The following LINGO2 variants were observed in gnomAD, a reference collection of about 807,000 sequenced individuals.
LINGO2 encodes leucine-rich repeat and immunoglobulin-like domain-containing nogo receptor-interacting protein 2.
LINGO2 carries 14 observed loss-of-function variants against 30.6 expected under a neutral mutation model. The observed-to-expected ratio is 0.46, with a 90% CI of 0.30 to 0.72. The LOEUF (loss-of-function observed/expected upper bound fraction) is 0.72. LINGO2 is among the 30% of genes least tolerant of loss of function. The pLI is 0.07. For synonymous variants in LINGO2, 317 were observed against 288.5 expected (o/e 1.10, Z -1.00); for missense variants, 729 against 751.7 (o/e 0.97, Z 0.35).
intron 3 of LINGO2, among the ~76,000 whole-genome samples, chr9:28,309,060 G>A (rs1340403258): frequency 3.3e-5 from 5 of 152,082 alleles, no homozygotes; most frequent in Non-Finnish European, 7.4e-5. Context: ...AATACCATTT[G>A]ACCCAGCCAT....
the LINGO2 span, among the ~76,000 whole-genome samples, chr9:28,767,918 A>G: frequency 6.6e-6 from 1 of 151,872 alleles, no homozygotes; most frequent in Non-Finnish European, 1.5e-5. Flanking sequence ...GATTTTTCAC[A>G]GTCTGGATGG....
intron 1 of LINGO2, among the ~76,000 whole-genome samples, chr9:28,628,810 C>T (rs777736509): frequency 1.2e-4 from 18 of 152,060 alleles, no homozygotes; most frequent in Middle Eastern, 3.4e-3. Flanking sequence ...GATGAGCCTC[C>T]GGTAATGTAA....
intron 4 of LINGO2, among the ~76,000 whole-genome samples, chr9:28,031,368 T>A (rs1382933595): frequency 1.3e-5 from 2 of 151,480 alleles, no homozygotes; most frequent in South Asian, 2.1e-4. Context: ...TTTTTTTTTT[T>A]ACAATTTTTA....
chr9:28,559,718 A>AT (rs1822937813), intron 1 of LINGO2, among the ~76,000 whole-genome samples: 1 of 151,126 alleles, frequency 6.6e-6, no homozygotes, highest in South Asian at 2.1e-4. Context: ...CCTTTTCTCC[A>AT]TTTTTCTGTT....
chr9:28,672,932 G>A, upstream of LINGO2, among the ~76,000 whole-genome samples: 1 of 152,100 alleles, frequency 6.6e-6, no homozygotes. Context: ...TGAAAAATAA[G>A]TTATGTTGGT....
intron 4 of LINGO2, among the ~76,000 whole-genome samples, chr9:28,040,656 C>T (rs1824160226): frequency 6.6e-6 from 1 of 152,078 alleles, no homozygotes; most frequent in Non-Finnish European, 1.5e-5. Flanking sequence ...GTGTCTACTA[C>T]CTAATAGCTG....
intron 4 of LINGO2, among the ~76,000 whole-genome samples, chr9:28,169,699 G>C (rs1454663960): frequency 6.6e-6 from 1 of 152,158 alleles, no homozygotes; most frequent in African/African-American, 2.4e-5. Context: ...ATAATCATGA[G>C]CATAGAAAAC....
chr9:28,774,041 TACACACACACACACACACACAC>T, the LINGO2 span, among the ~76,000 whole-genome samples: 4 of 146,782 alleles, frequency 2.7e-5, no homozygotes, highest in African/African-American at 7.5e-5. Context: ...TTCTTTTTGA[TACACACACACACACACACACAC>T]ACACACACAC....
chr9:28,308,408 T>G (rs572869328), intron 3 of LINGO2, among the ~76,000 whole-genome samples: 20,660 of 137,050 alleles, frequency 0.15, 2,019 homozygotes, highest in East Asian at 0.45. Flanking sequence ...ATCCCTTCCT[T>G]ACACCTTATA....
chr9:28,712,567 T>C, the LINGO2 span, among the ~76,000 whole-genome samples: 1 of 151,428 alleles, frequency 6.6e-6, no homozygotes, highest in Non-Finnish European at 1.5e-5. Context: ...TTTACCCCAT[T>C]TGTAAAATGG....
chr9:29,138,856 TA>T, the LINGO2 span, among the ~76,000 whole-genome samples: 1 of 152,170 alleles, frequency 6.6e-6, no homozygotes, highest in Non-Finnish European at 1.5e-5. Flanking sequence ...AGACAGCTTG[TA>T]AAATGGCAAC....
intron 4 of LINGO2, among the ~76,000 whole-genome samples, chr9:28,256,025 G>T (rs1822372223): frequency 6.6e-6 from 1 of 151,972 alleles, no homozygotes; most frequent in South Asian, 2.1e-4. Flanking sequence ...AATATACACA[G>T]ATATATTTCT....
At chr9:28,815,650 T>TATTTCTTCTTAAAATAACAATTACC in the LINGO2 span, among the ~76,000 whole-genome samples, 91 of 152,304 alleles carry the variant, frequency 6.0e-4, no homozygotes, top group African/African-American at 2.1e-3. Context: ...CCACCAGCAC[T>TATTTCTTCTTAAAATAACAATTACC]AGTACCAATA....
intron 4 of LINGO2, among the ~76,000 whole-genome samples, chr9:28,187,163 G>C (rs1819570227): frequency 1.3e-5 from 2 of 152,082 alleles, no homozygotes; most frequent in Admixed American, 6.6e-5. Flanking sequence ...TTTAAAGATA[G>C]GGTTATCAGC....
intron 5 of LINGO2, among the ~76,000 whole-genome samples, chr9:27,998,783 T>C (rs1426345630): frequency 6.6e-6 from 1 of 152,038 alleles, no homozygotes; most frequent in African/African-American, 2.4e-5. Context: ...AGAGGGAGAC[T>C]GTCTCAAAAA....
At chr9:29,200,792 T>C in the LINGO2 span, among the ~76,000 whole-genome samples, 9 of 152,260 alleles carry the variant, frequency 5.9e-5, no homozygotes, top group South Asian at 1.9e-3. Context: ...AGTTGTCATA[T>C]ATCCTTAGCC....
At chr9:28,525,296 T>C (rs1188719107) in intron 1 of LINGO2, among the ~76,000 whole-genome samples, 2 of 152,254 alleles carry the variant, frequency 1.3e-5, no homozygotes, top group African/African-American at 2.4e-5. Context: ...GGTTTTCAGT[T>C]TTCCAAAATG....
chr9:28,879,311 A>G, the LINGO2 span, among the ~76,000 whole-genome samples: 2 of 152,144 alleles, frequency 1.3e-5, no homozygotes, highest in African/African-American at 4.8e-5. Context: ...CCAAAGGCAT[A>G]TGGATAATAT....
chr9:28,018,361 AC>A, intron 4 of LINGO2, among the ~76,000 whole-genome samples: 1 of 152,316 alleles, frequency 6.6e-6, no homozygotes, highest in Non-Finnish European at 1.5e-5. Flanking sequence ...GACAAATGGG[AC>A]CTAATTAAAC....
Sources: gnomAD v4.1 joint callset for allele counts (sites outside exome capture counted in the v4.1 genomes callset) on GRCh38, gnomAD v4.1.1 for gene constraint, MANE v1.5 for transcripts, NCBI Gene and HGNC (gene_info 2026-07-23, HGNC 2026-07-21) for gene names.